Variants in CNTLN observed in about 807,000 individuals in gnomAD.
The protein encoded by CNTLN is centlein, centrosomal protein.
In CNTLN, 212 loss-of-function variants were observed where a neutral mutation model predicts 180.0. The ratio of observed to expected loss-of-function variants is 1.18; its 90% CI spans 1.05 to 1.32. The LOEUF (loss-of-function observed/expected upper bound fraction) is 1.32. Among genes scored for constraint, CNTLN ranks in the 40% most tolerant of loss-of-function variants. The probability of loss-of-function intolerance (pLI) is 0.00; values close to 1 mark genes in which losing one functional copy is unlikely to be tolerated. For missense variants in CNTLN, 2,095 were observed against 1,610.9 expected (o/e 1.30, Z -5.14); for synonymous variants, 722 against 563.1 (o/e 1.28, Z -3.99).
At chr9:17,298,156 A>G (rs1049831896) in intron 6 of CNTLN, 34 bp from the exon 7 acceptor site, 4 of 1,393,252 alleles carry the variant, frequency 2.9e-6, no homozygotes, top group Non-Finnish European at 3.8e-6. Flanking sequence ...ATCTTTATCC[A>G]TACTTTTCTC....
intron 2 of CNTLN, among the ~76,000 whole-genome samples, chr9:17,223,022 G>A (rs1824244576): frequency 6.6e-6 from 1 of 151,882 alleles, no homozygotes; most frequent in African/African-American, 2.4e-5. Flanking sequence ...CCTCCCAACG[G>A]GTACTTGAAA....
chr9:17,241,272 G>A (rs973343945), intron 5 of CNTLN, among the ~76,000 whole-genome samples: 17 of 152,206 alleles, frequency 1.1e-4, no homozygotes, highest in African/African-American at 3.9e-4. Flanking sequence ...TCATTCTTCT[G>A]CATATGTATA....
intron 2 of CNTLN, among the ~76,000 whole-genome samples, chr9:17,205,758 A>T (rs148863847): frequency 6.6e-6 from 1 of 152,304 alleles, no homozygotes; most frequent in African/African-American, 2.4e-5. Flanking sequence ...GGAAAACAAT[A>T]CTGGGAAGAT....
intron 7 of CNTLN, among the ~76,000 whole-genome samples, chr9:17,303,029 CCTGAT>C (rs1206341228): frequency 6.6e-6 from 1 of 152,034 alleles, no homozygotes; most frequent in Non-Finnish European, 1.5e-5. Context: ...AGGGCTTTTG[CCTGAT>C]TGTTTAAGCC....
At chr9:17,455,696 T>A (rs1471405389) in intron 18 of CNTLN, among the ~76,000 whole-genome samples, 1 of 151,876 alleles carries the variant, frequency 6.6e-6, no homozygotes, top group Non-Finnish European at 1.5e-5. Flanking sequence ...GAGTCATCCA[T>A]GTAAAAATGG....
At chr9:17,206,382 C>T (rs777889073) in intron 2 of CNTLN, among the ~76,000 whole-genome samples, 2 of 152,250 alleles carry the variant, frequency 1.3e-5, no homozygotes, top group African/African-American at 4.8e-5. Context: ...TGCTCAGCTG[C>T]GTACTGTTGT....
chr9:17,362,526 GTATAC>G (rs1823480339), intron 12 of CNTLN, among the ~76,000 whole-genome samples: 1 of 151,962 alleles, frequency 6.6e-6, no homozygotes, highest in Non-Finnish European at 1.5e-5. Context: ...TTTCCAGGAA[GTATAC>G]TGAGTGAGGG....
chr9:17,464,463 T>G (rs970746958), intron 20 of CNTLN, 34 bp from the exon 21 acceptor site: 2 of 1,521,796 alleles, frequency 1.3e-6, no homozygotes, highest in African/African-American at 2.9e-5. Context: ...AGGTATTTTC[T>G]GTCACTCTTG....
chr9:17,367,772 C>T (rs940032652), intron 13 of CNTLN, among the ~76,000 whole-genome samples: 20 of 152,068 alleles, frequency 1.3e-4, no homozygotes, highest in Admixed American at 5.9e-4. Flanking sequence ...GCCTTGAAGG[C>T]AAGGATGCAG....
chr9:17,384,027 A>C (rs1334763675), intron 13 of CNTLN, among the ~76,000 whole-genome samples: 2 of 152,222 alleles, frequency 1.3e-5, no homozygotes, highest in African/African-American at 4.8e-5. Flanking sequence ...ATCGAAATTA[A>C]AATATAATGA....
intron 13 of CNTLN, among the ~76,000 whole-genome samples, chr9:17,368,930 A>T (rs1824074409): frequency 6.6e-6 from 1 of 152,174 alleles, no homozygotes; most frequent in South Asian, 2.1e-4. Context: ...GGTACAAACA[A>T]TCCCAGACTG....
At chr9:17,272,696 C>G (rs1233204607) in intron 5 of CNTLN, among the ~76,000 whole-genome samples, 1 of 152,078 alleles carries the variant, frequency 6.6e-6, no homozygotes, top group Non-Finnish European at 1.5e-5. Flanking sequence ...TAGTCATAAT[C>G]TGTTTTTGGT....
intron 12 of CNTLN, among the ~76,000 whole-genome samples, chr9:17,364,652 A>C (rs991941976): frequency 3.3e-5 from 5 of 152,068 alleles, no homozygotes; most frequent in Non-Finnish European, 7.4e-5. Flanking sequence ...ACTGTCATTC[A>C]TGGCTTTGAA....
At chr9:17,141,068 A>G (rs149760491) in intron 1 of CNTLN, among the ~76,000 whole-genome samples, 3 of 152,352 alleles carry the variant, frequency 2.0e-5, no homozygotes, top group African/African-American at 7.2e-5. Context: ...CACAAGTCTA[A>G]TTTTAAGATT....
At chr9:17,279,674 C>G (rs1410848248) in intron 6 of CNTLN, among the ~76,000 whole-genome samples, 1 of 151,788 alleles carries the variant, frequency 6.6e-6, no homozygotes, top group Non-Finnish European at 1.5e-5. Context: ...GCTCGAAACC[C>G]TCTGTTAGTG....
chr9:17,490,183 A>T (rs1432691054), intron 25 of CNTLN, among the ~76,000 whole-genome samples: 1 of 152,096 alleles, frequency 6.6e-6, no homozygotes, highest in African/African-American at 2.4e-5. Flanking sequence ...AAAGATGCTG[A>T]AGGCCAACAT....
intron 1 of CNTLN, among the ~76,000 whole-genome samples, chr9:17,139,590 G>A (rs1043620405): frequency 2.6e-5 from 4 of 151,866 alleles, no homozygotes; most frequent in Non-Finnish European, 4.4e-5. Context: ...AACTTGGGAG[G>A]CGAAGGTTGC....
intron 18 of CNTLN, among the ~76,000 whole-genome samples, chr9:17,420,528 A>T (rs964101774): frequency 1.3e-5 from 2 of 150,706 alleles, no homozygotes; most frequent in Admixed American, 6.6e-5. Flanking sequence ...TTTTTTTCAT[A>T]TTGTTTTGTT....
At chr9:17,393,793 G>A (rs1285318487) in intron 14 of CNTLN, among the ~76,000 whole-genome samples, 3 of 152,062 alleles carry the variant, frequency 2.0e-5, no homozygotes, top group African/African-American at 7.2e-5. Flanking sequence ...AGAATTAATT[G>A]CCCAGACTTA....
Sources: gnomAD v4.1 joint callset for allele counts (sites outside exome capture counted in the v4.1 genomes callset) on GRCh38, gnomAD v4.1.1 for gene constraint, MANE v1.5 for transcripts, NCBI Gene and HGNC (gene_info 2026-07-23, HGNC 2026-07-21) for gene names.